CACNA1C: variants seen among roughly 807,000 people sequenced by gnomAD.
The protein encoded by CACNA1C is voltage-dependent L-type calcium channel subunit alpha-1C.
A neutral mutation model predicts 229.0 loss-of-function variants in CACNA1C; 30 were observed. The ratio of observed to expected loss-of-function variants is 0.13; its 90% CI spans 0.10 to 0.18. CACNA1C has a LOEUF of 0.18. Ranked by LOEUF, CACNA1C falls within the 10% of genes least tolerant of loss-of-function variation. The probability of loss-of-function intolerance (pLI) is 1.00; values close to 1 mark genes in which losing one functional copy is unlikely to be tolerated. For missense variants in CACNA1C, 1,658 were observed against 2,845.0 expected (o/e 0.58, Z 9.49); for synonymous variants, 1,114 against 1,132.5 (o/e 0.98, Z 0.33).
At chr12:2,409,211 C>T (rs2098777013) in intron 3 of CACNA1C, among the ~76,000 whole-genome samples, 1 of 152,214 alleles carries the variant, frequency 6.6e-6, no homozygotes, top group Non-Finnish European at 1.5e-5. Flanking sequence ...CCTGATGTAG[C>T]ACCCTGGTAA....
chr12:2,168,417 C>G (rs924290316), intron 3 of CACNA1C, among the ~76,000 whole-genome samples: 1 of 152,170 alleles, frequency 6.6e-6, no homozygotes, highest in Non-Finnish European at 1.5e-5. Flanking sequence ...CCATTAATGA[C>G]TTTACTTGGT....
At chr12:2,580,683 G>T (rs1047659854) in intron 13 of CACNA1C, among the ~76,000 whole-genome samples, 2 of 152,154 alleles carry the variant, frequency 1.3e-5, no homozygotes, top group Non-Finnish European at 2.9e-5. Flanking sequence ...TCCCAGGATC[G>T]CTGTATTTAT....
chr12:2,297,749 C>T (rs2094189059), intron 3 of CACNA1C, among the ~76,000 whole-genome samples: 2 of 152,156 alleles, frequency 1.3e-5, no homozygotes, highest in South Asian at 2.1e-4. Context: ...GTGTGTGTTT[C>T]TCCATACTCT....
At chr12:2,231,816 C>T (rs771050743) in intron 3 of CACNA1C, among the ~76,000 whole-genome samples, 2 of 152,072 alleles carry the variant, frequency 1.3e-5, no homozygotes, top group African/African-American at 4.8e-5. Context: ...ATCCTTTGAC[C>T]GGTAGGCAGG....
chr12:2,000,180 A>G (rs1335053799), intron 1 of CACNA1C, among the ~76,000 whole-genome samples: 1 of 152,236 alleles, frequency 6.6e-6, no homozygotes. Context: ...CAAGTCCACA[A>G]AGCATTTAAA....
intron 3 of CACNA1C, among the ~76,000 whole-genome samples, chr12:2,273,383 C>T (rs114723538): frequency 0.046 from 6,936 of 151,506 alleles, 192 homozygotes; most frequent in Middle Eastern, 0.068. Flanking sequence ...TGCAAAGGGC[C>T]AACTGTATCA....
At chr12:2,263,215 G>A (rs1239087987) in intron 3 of CACNA1C, among the ~76,000 whole-genome samples, 1 of 151,800 alleles carries the variant, frequency 6.6e-6, no homozygotes, top group African/African-American at 2.4e-5. Flanking sequence ...GAGGCCCTCA[G>A]GTGGGAGTAT....
intron 4 of CACNA1C, among the ~76,000 whole-genome samples, chr12:2,456,209 G>T (rs2099417329): frequency 6.6e-6 from 1 of 152,126 alleles, no homozygotes; most frequent in South Asian, 2.1e-4. Flanking sequence ...TAGTCCATCA[G>T]CCAGTCCCAC....
intron 9 of CACNA1C, among the ~76,000 whole-genome samples, chr12:2,529,323 T>C (rs1272620599): frequency 6.6e-6 from 1 of 152,192 alleles, no homozygotes; most frequent in Non-Finnish European, 1.5e-5. Flanking sequence ...ATCATAGTAC[T>C]TATTGTATGT....
At chr12:2,256,826 A>G (rs1408479084) in intron 3 of CACNA1C, among the ~76,000 whole-genome samples, 1 of 152,166 alleles carries the variant, frequency 6.6e-6, no homozygotes, top group African/African-American at 2.4e-5. Flanking sequence ...AAAACACTCC[A>G]CAGGTGATTC....
chr12:2,222,464 A>C (rs2061714825), intron 3 of CACNA1C: 1 of 152,172 alleles, frequency 6.6e-6, no homozygotes, highest in African/African-American at 2.4e-5. Flanking sequence ...AAGAACAAGA[A>C]TAATGCTTTC....
chr12:2,655,155 GA>G lies in CACNA1C; in HGVS notation c.4153del (p.Ile1385LeufsTer3). On this transcript the variant is annotated frameshift_variant, in exon 34 of 47. Transcript: ENST00000399655. LOFTEE classifies it high-confidence loss of function. ...TTCCTTCTCTCTCCTAGGTGTTTGG[GA>G]AAATTGCCCTGAATGATACCACAGA... ...YAVIGMQVFG[K>X]IALNDTTEIN... 6.2e-7 allele frequency: 1 copy of G among 1,610,128 alleles called. No homozygotes were observed. Among genetic ancestry groups the G allele is most frequent in the South Asian group, 1.1e-5 (1 of 90,948 alleles).
At chr12:2,565,927 C>G (rs1415315944) in intron 11 of CACNA1C, among the ~76,000 whole-genome samples, 3 of 152,132 alleles carry the variant, frequency 2.0e-5, no homozygotes, top group African/African-American at 7.2e-5. Flanking sequence ...CCTCCCCAGC[C>G]CTGAGTTTTC....
At chr12:2,644,345 C>T (rs1457917461) in intron 30 of CACNA1C, among the ~76,000 whole-genome samples, 1 of 152,202 alleles carries the variant, frequency 6.6e-6, no homozygotes, top group Non-Finnish European at 1.5e-5. Flanking sequence ...CTTCACAATG[C>T]TCTCTGGCCA....
At chr12:2,279,812 A>G (rs1441401717) in intron 3 of CACNA1C, among the ~76,000 whole-genome samples, 1 of 152,260 alleles carries the variant, frequency 6.6e-6, no homozygotes, top group African/African-American at 2.4e-5. Context: ...TTTTATAAGT[A>G]ATCTAGAGAT....
chr12:2,370,654 C>A (rs1376752049), intron 3 of CACNA1C, among the ~76,000 whole-genome samples: 1 of 151,950 alleles, frequency 6.6e-6, no homozygotes, highest in African/African-American at 2.4e-5. Context: ...AAAATAAATT[C>A]AATAGTATCT....
intron 3 of CACNA1C, among the ~76,000 whole-genome samples, chr12:2,301,170 C>T (rs923943179): frequency 6.6e-6 from 1 of 152,142 alleles, no homozygotes; most frequent in Admixed American, 6.5e-5. Context: ...GCGCTTGGCC[C>T]CAGGGCTGAG....
intron 30 of CACNA1C, chr12:2,641,520 C>A (rs2093691737): frequency 1.7e-6 from 1 of 585,778 alleles, no homozygotes; most frequent in African/African-American, 1.9e-5. Context: ...CCCCCCTTCT[C>A]ATTGCTGGAG....
chr12:2,196,716 C>G (rs1394654238), intron 3 of CACNA1C, among the ~76,000 whole-genome samples: 2 of 152,224 alleles, frequency 1.3e-5, no homozygotes, highest in East Asian at 1.9e-4. Context: ...AAGACGGTTG[C>G]TTTATGCATC....
Sources: gnomAD v4.1 joint callset for allele counts (sites outside exome capture counted in the v4.1 genomes callset) on GRCh38, gnomAD v4.1.1 for gene constraint, MANE v1.5 for transcripts, NCBI Gene and HGNC (gene_info 2026-07-23, HGNC 2026-07-21) for gene names.